The following OPCML variants were observed in gnomAD, a reference collection of about 807,000 sequenced individuals.
OPCML encodes opioid binding protein/cell adhesion molecule like.
A neutral mutation model predicts 37.8 loss-of-function variants in OPCML; 13 were observed. That is an observed-to-expected ratio of 0.34 (90% CI 0.22 to 0.55). The LOEUF (loss-of-function observed/expected upper bound fraction) is 0.55, where lower values mean the gene tolerates loss of function less well. Among genes scored for constraint, OPCML ranks in the 20% least tolerant of loss-of-function variants. OPCML has a pLI of 0.91. For synonymous variants in OPCML, 176 were observed against 168.8 expected, an observed-to-expected ratio of 1.04 and a Z score of -0.33; for missense variants, 341 against 435.6, an observed-to-expected ratio of 0.78 and a Z score of 1.93.
chr11:133,329,435 A>C (rs879418260), intron 1 of OPCML, among the ~76,000 whole-genome samples: 19 of 152,334 alleles, frequency 1.2e-4, no homozygotes, highest in Middle Eastern at 3.4e-3. Context: ...TTCAAACTAT[A>C]CTATGAGGCT....
chr11:133,368,245 G>A (rs1390132067), intron 1 of OPCML, among the ~76,000 whole-genome samples: 1 of 48,814 alleles, frequency 2.0e-5, no homozygotes, highest in East Asian at 1.2e-3. Flanking sequence ...AAAAGGTGAG[G>A]TGGGGGGGGG....
intron 2 of OPCML, among the ~76,000 whole-genome samples, chr11:132,762,428 G>T (rs1274486915): frequency 1.3e-5 from 2 of 152,188 alleles, no homozygotes; most frequent in African/African-American, 4.8e-5. Context: ...CTTTCCCCCA[G>T]GTGCTCTGTC....
intron 1 of OPCML, among the ~76,000 whole-genome samples, chr11:133,094,469 T>C (rs1276657353): frequency 1.3e-5 from 2 of 152,190 alleles, no homozygotes; most frequent in East Asian, 3.8e-4. Flanking sequence ...TCATTCCAGT[T>C]TGTCAGTCCT....
intron 1 of OPCML, among the ~76,000 whole-genome samples, chr11:133,102,026 G>A (rs1283751796): frequency 6.6e-6 from 1 of 152,210 alleles, no homozygotes; most frequent in East Asian, 1.9e-4. Flanking sequence ...AAACTTTGGA[G>A]GCAGTAAGAA....
intron 1 of OPCML, among the ~76,000 whole-genome samples, chr11:133,012,664 TCA>T (rs1217022040): frequency 6.6e-6 from 1 of 151,866 alleles, no homozygotes; most frequent in Admixed American, 6.6e-5. Context: ...TCACCTGAGG[TCA>T]GGAGTTCAAG....
intron 2 of OPCML, among the ~76,000 whole-genome samples, chr11:132,815,669 T>C (rs1343260733): frequency 6.6e-6 from 1 of 152,178 alleles, no homozygotes; most frequent in Non-Finnish European, 1.5e-5. Context: ...AGGGAGATTA[T>C]TGTGACCCCC....
At chr11:133,216,375 A>G (rs1050084154) in intron 1 of OPCML, among the ~76,000 whole-genome samples, 2 of 152,186 alleles carry the variant, frequency 1.3e-5, no homozygotes, top group African/African-American at 4.8e-5. Flanking sequence ...GGTACCTCTT[A>G]TGAGCCCTTT....
intron 1 of OPCML, among the ~76,000 whole-genome samples, chr11:132,981,136 G>A (rs905488656): frequency 7.9e-5 from 12 of 152,310 alleles, no homozygotes; most frequent in South Asian, 2.1e-4. Context: ...TCCAAACGTC[G>A]TTACGCAGTG....
intron 3 of OPCML, among the ~76,000 whole-genome samples, chr11:132,633,187 G>C (rs1261483228): frequency 1.3e-5 from 2 of 152,100 alleles, no homozygotes; most frequent in Non-Finnish European, 2.9e-5. Context: ...TGGTGTTTGA[G>C]GGGGACAATC....
intron 3 of OPCML, among the ~76,000 whole-genome samples, chr11:132,570,534 C>A (rs997806627): frequency 2.0e-5 from 3 of 151,018 alleles, no homozygotes; most frequent in African/African-American, 7.3e-5. Context: ...TTAAAGGTAG[C>A]CCTTAAAATA....
intron 1 of OPCML, among the ~76,000 whole-genome samples, chr11:133,480,310 T>C (rs923210173): frequency 1.3e-5 from 2 of 152,214 alleles, no homozygotes; most frequent in Non-Finnish European, 2.9e-5. Flanking sequence ...GAGGAAACTG[T>C]GGTCCGGAGG....
At chr11:133,418,772 G>A (rs1231348035) in intron 1 of OPCML, among the ~76,000 whole-genome samples, 3 of 152,200 alleles carry the variant, frequency 2.0e-5, no homozygotes, top group African/African-American at 7.2e-5. Context: ...GTGGTTAAAC[G>A]ATAACCAGCC....
chr11:132,726,984 G>A (rs748404551), intron 2 of OPCML, among the ~76,000 whole-genome samples: 13 of 152,062 alleles, frequency 8.5e-5, no homozygotes, highest in Admixed American at 2.6e-4. Flanking sequence ...GACCCCATGC[G>A]GAATGAGTCC....
intron 2 of OPCML, among the ~76,000 whole-genome samples, chr11:132,806,749 A>T (rs760203784): frequency 2.0e-5 from 3 of 152,172 alleles, no homozygotes; most frequent in Non-Finnish European, 4.4e-5. Context: ...TTGTCAACCA[A>T]CTTGATCTAA....
chr11:133,052,244 A>C (rs2136968100), intron 1 of OPCML, among the ~76,000 whole-genome samples: 1 of 152,358 alleles, frequency 6.6e-6, no homozygotes, highest in South Asian at 2.1e-4. Context: ...CAAATACATG[A>C]AGAGCTCTCC....
chr11:132,568,158 T>C (rs1414377393), intron 3 of OPCML, among the ~76,000 whole-genome samples: 2 of 152,020 alleles, frequency 1.3e-5, no homozygotes, highest in Non-Finnish European at 2.9e-5. Context: ...TATAGATGGA[T>C]ACAAAACCTA....
At chr11:133,532,096 AGT>A (rs888620272) in intron 1 of OPCML, 166 bp downstream of exon 1, 35 of 646,294 alleles carry the variant, frequency 5.4e-5, no homozygotes, top group South Asian at 2.7e-4. Context: ...TGAGCGAGTG[AGT>A]GTGTGTGTGC....
rs1359577854 is a variant in OPCML at position 133,450,689 on chromosome 11, C to T, written c.61+81575G>A. On this transcript the variant is annotated intron_variant, in intron 1 of 7. Coordinates refer to ENST00000524381, the MANE Select transcript of OPCML (RefSeq NM_001012393.5). ...ATCCTTGTGTACCCTGTGACTTCCA[C>T]AAGGAAAAGGAAACAGAGAACACAA... 5.9e-5 allele frequency among the ~76,000 whole-genome samples: 9 copies of T among 151,334 alleles called. No homozygotes were observed. The South Asian group carries it at 1.2e-3, about 21-fold the overall frequency.
chr11:132,665,985 C>T (rs1224459138), intron 2 of OPCML, among the ~76,000 whole-genome samples: 2 of 152,162 alleles, frequency 1.3e-5, no homozygotes, highest in Non-Finnish European at 2.9e-5. Flanking sequence ...AAGGACCAGA[C>T]ACTGTGTCAG....
Sources: gnomAD v4.1 joint callset for allele counts (sites outside exome capture counted in the v4.1 genomes callset) on GRCh38, gnomAD v4.1.1 for gene constraint, MANE v1.5 for transcripts, NCBI Gene and HGNC (gene_info 2026-07-23, HGNC 2026-07-21) for gene names.